ATIC: variants seen among roughly 807,000 people sequenced by gnomAD.
The protein encoded by ATIC is 5-aminoimidazole-4-carboxamide ribonucleotide formyltransferase/IMP cyclohydrolase, also known as bifunctional purine biosynthesis protein ATIC.
Under a neutral mutation model 72.5 loss-of-function variants are expected in ATIC, and 64 were observed. The observed-to-expected ratio is 0.88, with a 90% CI of 0.72 to 1.09. The LOEUF is 1.09. Among genes scored for constraint, ATIC ranks in the 50% least tolerant of loss-of-function variants. ATIC has a pLI of 0.00. For missense variants in ATIC, 787 were observed against 732.4 expected (o/e 1.07, Z -0.86); for synonymous variants, 281 against 267.1 (o/e 1.05, Z -0.51).
rs2052716841 is a variant in ATIC, at chr2:215,316,980, T to A, written c.147-1177T>A. 2.0e-5 allele frequency among the ~76,000 whole-genome samples: 3 copies of A among 152,316 alleles called. No individual in the cohort carries two copies. In the South Asian group the frequency reaches 6.2e-4, roughly 32 times the overall value. On this transcript the variant is annotated intron_variant, in intron 2 of 15. Transcript: ENST00000236959. ...TTTCACCATGTTGGTCAGGCTGGTCTGGAACTCCCTTACCTCAGGTGATCC... is the reference window on the plus strand; with the variant it reads ...TTTCACCATGTTGGTCAGGCTGGTCAGGAACTCCCTTACCTCAGGTGATCC...
chr2:215,325,404 T>C, intron 5 of ATIC, 75 bp downstream of exon 5: 1 of 1,120,186 alleles, frequency 8.9e-7, no homozygotes, highest in Non-Finnish European at 1.3e-6. Flanking sequence ...CATTTTGAAT[T>C]TTATTACTGA....
chr2:215,312,082 C>G lies in ATIC; in HGVS notation c.-61C>G. On this transcript the variant is annotated 5_prime_UTR_variant, in exon 1 of 16. Transcript: ENST00000236959. ...CCGCCACATCCCGGCAGCCCTCCTA[C>G]CTGCGCACGTGGTGCCGCCGCTGCT... is the stretch of plus-strand genomic sequence containing the variant. 6.5e-7 allele frequency: 1 copy of G among 1,529,666 alleles called. No homozygotes were observed. The highest frequency in any genetic ancestry group is 8.7e-7 in the Non-Finnish European group (1 of 1,144,228). 94.8% of individuals were successfully genotyped at this position (1,529,666 alleles called of 1,614,324 possible). A position where few individuals can be genotyped will look rare whatever the true frequency, so the allele number is the denominator to read the frequency against.
chr2:215,361,496 C>G, the ATIC span: 21 of 1,213,232 alleles, frequency 1.7e-5, no homozygotes, highest in East Asian at 4.9e-4. Flanking sequence ...TAACATCACT[C>G]CAGTTTAGAT....
rs771410955 is a variant in ATIC at position 215,318,194 on chromosome 2, G to C, written c.184G>C (p.Gly62Arg). ...SELTGFPEML[G>R]GRVKTLHPAV... ...GTTGACGGGATTTCCTGAAATGTTG[G>C]GGGGACGTGTGAAAACTTTGCATCC... Residue 62 changes from glycine to arginine, a missense_variant, in exon 3 of 16, where the codon GGG becomes CGG. Coordinates refer to ENST00000236959, the MANE Select transcript of ATIC (RefSeq NM_004044.7). 72 of 1,613,954 alleles carry C rather than the reference G, an allele frequency of 4.5e-5. No homozygotes were observed. Among genetic ancestry groups the C allele is most frequent in the Non-Finnish European group, 6.0e-5 (71 of 1,179,988 alleles).
intron 9 of ATIC, among the ~76,000 whole-genome samples, chr2:215,334,470 A>T (rs1435261188): frequency 6.6e-6 from 1 of 152,206 alleles, no homozygotes. Flanking sequence ...GGCTGGGATT[A>T]CAGGCGTGAT....
chr2:215,326,125 A>G lies in ATIC; in HGVS notation c.518A>G (p.Gln173Arg), dbSNP rs1156368036. The G allele has an allele frequency of 1.2e-5, 19 of 1,613,924 alleles. No homozygotes were observed. Among genetic ancestry groups the G allele is most frequent in the Non-Finnish European group, 1.5e-5 (18 of 1,179,952 alleles). Residue 173 changes from glutamine to arginine, a missense_variant, in exon 6 of 16, where the codon CAG becomes CGG. Coordinates refer to ENST00000236959, the MANE Select transcript of ATIC (RefSeq NM_004044.7). ...GACACCTCCTTGGAGACTAGACGCC[A>G]GTTAGCCTTGAAGGTGGGATGCACT... ...SKDTSLETRR[Q>R]LALKAFTHTA...
At chr2:215,331,379 G>A (rs867556088) in intron 7 of ATIC, among the ~76,000 whole-genome samples, 147 of 102,758 alleles carry the variant, frequency 1.4e-3, no homozygotes, top group Middle Eastern at 5.4e-3. Context: ...TTTGTTTTTT[G>A]GGTTTTTTTT....
At chr2:215,321,928 C>T (rs149332301) in intron 4 of ATIC, among the ~76,000 whole-genome samples, 2,134 of 151,940 alleles carry the variant, frequency 0.014, 33 homozygotes, top group African/African-American at 0.047. Context: ...TTTTTTGAGA[C>T]GGAGTCTTAC....
At chr2:215,362,414 T>TG in the ATIC span, 2 of 319,212 alleles carry the variant, frequency 6.3e-6, no homozygotes, top group South Asian at 6.2e-5. Context: ...AGAAAAGGTT[T>TG]TCAAAGAATC....
chr2:215,365,439 G>A, the ATIC span: 5 of 1,527,588 alleles, frequency 3.3e-6, no homozygotes, highest in Non-Finnish European at 3.6e-6. Flanking sequence ...GTGAATGAGA[G>A]TTACAGCCTG....
chr2:215,326,260 C>A, intron 6 of ATIC, 122 bp downstream of exon 6: 1 of 1,270,692 alleles, frequency 7.9e-7, no homozygotes, highest in South Asian at 1.3e-5. Context: ...GAGCTGCTAT[C>A]CTTTTGTTAA....
At chr2:215,313,671 G>A (rs182499086) in intron 2 of ATIC, among the ~76,000 whole-genome samples, 56 of 152,326 alleles carry the variant, frequency 3.7e-4, no homozygotes, top group Non-Finnish European at 7.1e-4. Context: ...CCATGTAGAG[G>A]TAGGTTATTA....
At chr2:215,347,039 T>C in intron 14 of ATIC, 98 bp downstream of exon 14, 1 of 1,402,772 alleles carries the variant, frequency 7.1e-7, no homozygotes, top group Non-Finnish European at 1.0e-6. Flanking sequence ...GAGAAAAAGA[T>C]ACTTTCATTG....
At chr2:215,341,734 T>C (rs937030887) in intron 12 of ATIC, among the ~76,000 whole-genome samples, 6 of 152,198 alleles carry the variant, frequency 3.9e-5, no homozygotes, top group Non-Finnish European at 8.8e-5. Flanking sequence ...TGTTAACTAT[T>C]TGTAGCATGT....
chr2:215,314,644 G>A (rs892592688), intron 2 of ATIC, among the ~76,000 whole-genome samples: 12 of 151,962 alleles, frequency 7.9e-5, no homozygotes, highest in East Asian at 1.9e-4. Context: ...GATTACAGGC[G>A]CCCGCCACCA....
intron 9 of ATIC, among the ~76,000 whole-genome samples, chr2:215,334,217 A>G (rs2052930074): frequency 8.2e-6 from 1 of 121,948 alleles, no homozygotes; most frequent in Non-Finnish European, 1.7e-5. Context: ...TTTTTGAGAC[A>G]GCTTCTTGCT....
chr2:215,365,308 T>G, the ATIC span, among the ~76,000 whole-genome samples: 777 of 152,336 alleles, frequency 5.1e-3, 6 homozygotes, highest in African/African-American at 0.018. Context: ...AGTGCTAAAG[T>G]GTCCTGTAAT....
chr2:215,341,538 T>C (rs992920069), intron 12 of ATIC, among the ~76,000 whole-genome samples: 6 of 152,242 alleles, frequency 3.9e-5, no homozygotes, highest in Admixed American at 6.5e-5. Context: ...ATGATAGCTT[T>C]GTTCTCCTTT....
intron 4 of ATIC, among the ~76,000 whole-genome samples, chr2:215,320,317 A>G (rs1300855012): frequency 1.3e-5 from 2 of 152,206 alleles, no homozygotes; most frequent in African/African-American, 4.8e-5. Context: ...TTGTGCAACC[A>G]TTACTGTGTT....
Sources: gnomAD v4.1 joint callset for allele counts (sites outside exome capture counted in the v4.1 genomes callset) on GRCh38, gnomAD v4.1.1 for gene constraint, MANE v1.5 for transcripts, NCBI Gene and HGNC (gene_info 2026-07-23, HGNC 2026-07-21) for gene names.